HLCS: variants seen among roughly 807,000 people sequenced by gnomAD.
The protein encoded by HLCS is holocarboxylase synthetase, also known as biotin--protein ligase.
Under a neutral mutation model 75.0 loss-of-function variants are expected in HLCS, and 53 were observed. The observed-to-expected ratio is 0.71, with a 90% CI of 0.57 to 0.89. The LOEUF is 0.89. Ranked by LOEUF, HLCS falls within the 40% of genes least tolerant of loss-of-function variation. The pLI is 0.00. For missense variants in HLCS, 966 were observed against 1,074.0 expected (o/e 0.90, Z 1.41); for synonymous variants, 431 against 428.6 (o/e 1.01, Z -0.07).
chr21:36,960,941 G>A (rs1969583759), intron 2 of HLCS, among the ~76,000 whole-genome samples: 1 of 152,156 alleles, frequency 6.6e-6, no homozygotes, highest in Non-Finnish European at 1.5e-5. Flanking sequence ...CCCAAAGAAG[G>A]GACATGAGAC....
At chr21:36,835,124 G>C (rs890110864) in intron 6 of HLCS, among the ~76,000 whole-genome samples, 2 of 152,220 alleles carry the variant, frequency 1.3e-5, no homozygotes, top group African/African-American at 4.8e-5. Context: ...ATTTCTAGCA[G>C]AGCAGGCAAC....
At chr21:36,888,494 A>ATT (rs1569150213) in intron 6 of HLCS, among the ~76,000 whole-genome samples, 25 of 92,988 alleles carry the variant, frequency 2.7e-4, no homozygotes, top group African/African-American at 5.9e-4. Flanking sequence ...ATATATATAT[A>ATT]TATTTATTTA....
At chr21:36,952,920 C>T (rs1330040285) in intron 2 of HLCS, among the ~76,000 whole-genome samples, 1 of 151,742 alleles carries the variant, frequency 6.6e-6, no homozygotes, top group Non-Finnish European at 1.5e-5. Context: ...CTCCCAAAAT[C>T]TAGCCTTTCT....
intron 6 of HLCS, among the ~76,000 whole-genome samples, chr21:36,781,784 T>C (rs916020639): frequency 1.3e-5 from 2 of 152,178 alleles, no homozygotes; most frequent in Non-Finnish European, 2.9e-5. Context: ...TTGCCATGTT[T>C]CTTAGTGTTT....
chr21:36,941,598 T>C (rs73387863), intron 2 of HLCS, among the ~76,000 whole-genome samples: 17,024 of 152,290 alleles, frequency 0.11, 2,801 homozygotes, highest in African/African-American at 0.36. Flanking sequence ...GAACATAGGC[T>C]GGGCATGGTG....
chr21:36,788,320 C>G (rs2060755630), intron 6 of HLCS, among the ~76,000 whole-genome samples: 1 of 152,212 alleles, frequency 6.6e-6, no homozygotes, highest in African/African-American at 2.4e-5. Flanking sequence ...GTGAGGCAAA[C>G]ACCAACACCG....
chr21:36,854,233 C>A (rs923074855), intron 6 of HLCS, among the ~76,000 whole-genome samples: 3 of 152,134 alleles, frequency 2.0e-5, no homozygotes, highest in African/African-American at 4.8e-5. Flanking sequence ...AGCTTAAACA[C>A]GTGTAAGGGG....
intron 8 of HLCS, among the ~76,000 whole-genome samples, chr21:36,763,038 T>C (rs1326089008): frequency 6.6e-6 from 1 of 152,230 alleles, no homozygotes; most frequent in Non-Finnish European, 1.5e-5. Flanking sequence ...CTTTCTTCCT[T>C]TTTTTGATAC....
intron 1 of HLCS, chr21:36,980,840 C>G (rs2069101936): frequency 6.5e-6 from 1 of 152,910 alleles, no homozygotes; most frequent in African/African-American, 2.4e-5. Context: ...CCTGCCCGCG[C>G]CCCAGCCCCG....
intron 6 of HLCS, among the ~76,000 whole-genome samples, chr21:36,870,927 G>C (rs970166192): frequency 6.6e-6 from 1 of 152,160 alleles, no homozygotes; most frequent in Admixed American, 6.5e-5. Flanking sequence ...CCTTCAACTG[G>C]AGCCTTAGAG....
At chr21:36,990,107 C>CA (rs1272366922) in intron 1 of HLCS, 1 of 152,660 alleles carries the variant, frequency 6.6e-6, no homozygotes, top group Non-Finnish European at 1.5e-5. Flanking sequence ...GGCCCCAGCA[C>CA]GCCCCCGGCG....
intron 1 of HLCS, among the ~76,000 whole-genome samples, chr21:36,985,909 A>G (rs2069219979): frequency 6.6e-6 from 1 of 152,178 alleles, no homozygotes; most frequent in African/African-American, 2.4e-5. Context: ...GACTTTGTTC[A>G]CATGGTTAAG....
chr21:36,846,696 A>C (rs1314826862), intron 6 of HLCS, among the ~76,000 whole-genome samples: 1 of 152,186 alleles, frequency 6.6e-6, no homozygotes, highest in African/African-American at 2.4e-5. Context: ...TAGGTTGAGA[A>C]AGAACTGTTT....
chr21:36,847,942 A>G lies in HLCS; in HGVS notation c.1892+48918T>C, dbSNP rs185910012. ...TTCGAAAACAAAATTGGGTCATACA[A>G]TAGGTATTGTTTTCTGATCTGCTTT... On this transcript the variant is annotated intron_variant, in intron 6 of 10. Coordinates refer to ENST00000674895, the MANE Select transcript of HLCS (RefSeq NM_001352514.2). Among the ~76,000 whole-genome samples, 60 of 152,322 alleles carry G rather than the reference A, an allele frequency of 3.9e-4. 1 individual carries two copies. The highest frequency in any genetic ancestry group is 1.2e-4 in the Non-Finnish European group (8 of 68,034).
chr21:36,935,713 A>G (rs1269630446), intron 4 of HLCS, among the ~76,000 whole-genome samples: 4 of 152,200 alleles, frequency 2.6e-5, no homozygotes, highest in Non-Finnish European at 5.9e-5. Context: ...ATGACAAGGA[A>G]TTCTGAAATA....
chr21:36,918,945 G>A (rs1011795057), intron 5 of HLCS, among the ~76,000 whole-genome samples: 1 of 152,184 alleles, frequency 6.6e-6, no homozygotes, highest in Admixed American at 6.5e-5. Flanking sequence ...CTTTAAATAT[G>A]TCTAATTGGA....
intron 5 of HLCS, among the ~76,000 whole-genome samples, chr21:36,926,692 C>A (rs544227067): frequency 6.6e-6 from 1 of 151,316 alleles, no homozygotes; most frequent in South Asian, 2.1e-4. Flanking sequence ...TTAAGCACTC[C>A]ACCACAAATA....
chr21:36,809,549 T>C (rs1044243592), intron 6 of HLCS, among the ~76,000 whole-genome samples: 3 of 152,228 alleles, frequency 2.0e-5, no homozygotes, highest in African/African-American at 7.2e-5. Context: ...ATTTTCTCTT[T>C]TTCCTCTGTC....
At chr21:36,836,753 A>G (rs988736781) in intron 6 of HLCS, among the ~76,000 whole-genome samples, 4 of 152,150 alleles carry the variant, frequency 2.6e-5, no homozygotes, top group African/African-American at 9.7e-5. Flanking sequence ...GCCAAAAAAC[A>G]CATGAAAAAA....
Sources: allele counts gnomAD v4.1 joint callset (sites outside exome capture counted in the v4.1 genomes callset), GRCh38; gene constraint gnomAD v4.1.1; transcripts MANE v1.5; gene names NCBI Gene and HGNC (gene_info 2026-07-23, HGNC 2026-07-21).